Variants in FREM1 observed in about 807,000 individuals in gnomAD.
FREM1 encodes FRAS1 related extracellular matrix 1, also known as FRAS1-related extracellular matrix protein 1.
Under a neutral mutation model 210.1 loss-of-function variants are expected in FREM1, and 220 were observed. That is an observed-to-expected ratio of 1.05 (90% CI 0.94 to 1.17). The LOEUF (loss-of-function observed/expected upper bound fraction) is 1.17. Among genes scored for constraint, FREM1 ranks in the 50% most tolerant of loss-of-function variants. The probability of loss-of-function intolerance (pLI) is 0.00; values close to 1 mark genes in which losing one functional copy is unlikely to be tolerated. For missense variants in FREM1, 3,454 were observed against 2,675.5 expected, an observed-to-expected ratio of 1.29 and a Z score of -6.42; for synonymous variants, 1,189 against 980.2, an observed-to-expected ratio of 1.21 and a Z score of -3.98.
chr9:14,908,870 C>T (rs1818251507), intron 1 of FREM1, among the ~76,000 whole-genome samples: 1 of 152,180 alleles, frequency 6.6e-6, no homozygotes. Flanking sequence ...GGGGTTCTTA[C>T]ACACAGTCAG....
intron 22 of FREM1, chr9:14,790,490 G>C (rs1494347): frequency 0.98 from 148,583 of 152,270 alleles, 72,601 homozygotes; most frequent in Middle Eastern, 1. Context: ...GCCTGCAATT[G>C]TATTTCACAT....
rs555370917 is a variant in FREM1, at chr9:14,775,205, C to T, written c.4857+584G>A. On this transcript the variant is annotated intron_variant, in intron 25 of 36. Coordinates refer to ENST00000380880, the MANE Select transcript of FREM1 (RefSeq NM_001379081.2). The stretch of plus-strand genomic sequence containing the variant: ...AGTTAAAGAACTCTTTAAGGTCAGA[C>T]GGCTAATACATTGCAAAGCAGAAAT... Among the ~76,000 whole-genome samples, 89 of 152,246 alleles carry T rather than the reference C, an allele frequency of 5.8e-4. 1 individual carries two copies. In the South Asian group the frequency reaches 8.9e-3, roughly 15 times the overall value.
At chr9:14,842,215 A>G in intron 9 of FREM1, 101 bp downstream of exon 9, 1 of 726,264 alleles carries the variant, frequency 1.4e-6, no homozygotes, top group East Asian at 2.5e-5. Flanking sequence ...TCACCTTAGG[A>G]CAAACTCGGA....
Position 14,885,084 on chromosome 9 carries a change from C to T in FREM1, c.-267-15840G>A, listed in dbSNP as rs575713261. Reference sequence around the variant, plus strand: ...GGACTACAGCTGCCCGCCACCGCGCCCGGCTAATTTTTTGTATTTTTACTA... The same window carrying T: ...GGACTACAGCTGCCCGCCACCGCGCTCGGCTAATTTTTTGTATTTTTACTA... On this transcript the variant is annotated intron_variant, in intron 1 of 36. Coordinates refer to ENST00000380880, the MANE Select transcript of FREM1 (RefSeq NM_001379081.2). Among the ~76,000 whole-genome samples, 141 of 148,446 alleles carry T rather than the reference C, an allele frequency of 9.5e-4. 19 individuals are homozygous for T. Among genetic ancestry groups the T allele is most frequent in the African/African-American group, 3.5e-3 (138 of 39,190 alleles).
chr9:14,896,242 T>C (rs1481935692), intron 1 of FREM1, among the ~76,000 whole-genome samples: 2 of 152,072 alleles, frequency 1.3e-5, no homozygotes, highest in Admixed American at 1.3e-4. Context: ...TTACCCTATA[T>C]GGTCTAAAAA....
chr9:14,741,566 A>T (rs1494344), intron 35 of FREM1, among the ~76,000 whole-genome samples: 106,003 of 151,986 alleles, frequency 0.7, 37,111 homozygotes, highest in Middle Eastern at 0.79. Context: ...CCCCTCCCCA[A>T]CACATCCAAC....
At chr9:14,860,730 CAT>C (rs1192632335) in intron 3 of FREM1, among the ~76,000 whole-genome samples, 2 of 122,092 alleles carry the variant, frequency 1.6e-5, no homozygotes, top group Non-Finnish European at 3.4e-5. Flanking sequence ...CATATATACA[CAT>C]ATATACACAT....
chr9:14,881,370 G>A (rs1438997911), intron 1 of FREM1, among the ~76,000 whole-genome samples: 1 of 151,962 alleles, frequency 6.6e-6, no homozygotes, highest in African/African-American at 2.4e-5. Context: ...AGCCAATCTG[G>A]GTATAAATAG....
chr9:14,900,244 T>C (rs1838531677), intron 1 of FREM1, among the ~76,000 whole-genome samples: 1 of 152,232 alleles, frequency 6.6e-6, no homozygotes, highest in Admixed American at 6.5e-5. Context: ...GAGTTTCTGA[T>C]TTAATTTGTC....
chr9:14,833,040 C>T (rs1823865376), intron 10 of FREM1, among the ~76,000 whole-genome samples: 1 of 152,124 alleles, frequency 6.6e-6, no homozygotes, highest in African/African-American at 2.4e-5. Context: ...AATCGGTAAC[C>T]ATGTGGCAAT....
Position 14,746,921 on chromosome 9 carries a change from A to T in FREM1, c.6138+2T>A. 6.2e-7 allele frequency: 1 copy of T among 1,612,434 alleles called. No individual in the cohort carries two copies. The highest frequency in any genetic ancestry group is 8.5e-7 in the Non-Finnish European group (1 of 1,179,546). On this transcript the variant is annotated splice_donor_variant, in intron 34 of 36. Transcript: ENST00000380880. LOFTEE classifies it high-confidence loss of function. The stretch of plus-strand genomic sequence containing the variant: ...TGCTTGGCTGCTCAGCCTGCCTCCT[A>T]CCTTGGTTTGGGGACTCCAGGCTTT...
intron 24 of FREM1, among the ~76,000 whole-genome samples, chr9:14,782,078 T>C (rs1222792896): frequency 6.6e-6 from 1 of 152,196 alleles, no homozygotes; most frequent in African/African-American, 2.4e-5. Flanking sequence ...TGATGGCTAG[T>C]CCTGACTGCA....
chr9:14,780,248 G>A (rs537130943), intron 24 of FREM1, among the ~76,000 whole-genome samples: 12 of 151,928 alleles, frequency 7.9e-5, no homozygotes, highest in African/African-American at 2.7e-4. Context: ...GATGACCACC[G>A]CTCTCATGAA....
chr9:14,840,186 G>A (rs1040943869), intron 10 of FREM1, among the ~76,000 whole-genome samples: 1 of 152,184 alleles, frequency 6.6e-6, no homozygotes, highest in African/African-American at 2.4e-5. Flanking sequence ...ATTATGGGAA[G>A]GCATTATGTG....
At chr9:14,748,197 A>G (rs1452181088) in intron 31 of FREM1, among the ~76,000 whole-genome samples, 1 of 152,162 alleles carries the variant, frequency 6.6e-6, no homozygotes. Context: ...CAGCATATCT[A>G]TCACCTCAGT....
chr9:14,888,486 T>G (rs1836205737), intron 1 of FREM1, among the ~76,000 whole-genome samples: 1 of 152,204 alleles, frequency 6.6e-6, no homozygotes, highest in African/African-American at 2.4e-5. Flanking sequence ...AGTTAATGTT[T>G]CACTAGAAAC....
Position 14,816,880 on chromosome 9 carries a change from A to T in FREM1, c.2547-9T>A. On this transcript the variant is annotated splice_polypyrimidine_tract_variant and intron_variant, in intron 14 of 36. Coordinates refer to ENST00000380880, the MANE Select transcript of FREM1 (RefSeq NM_001379081.2). ...TTCCATCATGTTGATACCTGTGGGG[A>T]TAATATTTGTCACCAACCTCTTAGG... 1 of 1,184,448 alleles carries T rather than the reference A, an allele frequency of 8.4e-7. No homozygotes were observed. The highest frequency in any genetic ancestry group is 1.5e-5 in the African/African-American group (1 of 66,744). 73.4% of individuals were successfully genotyped at this position (1,184,448 alleles called of 1,614,324 possible). A position where few individuals can be genotyped will look rare whatever the true frequency, so the allele number is the denominator to read the frequency against.
At chr9:14,865,123 A>G (rs747631695) in intron 2 of FREM1, among the ~76,000 whole-genome samples, 2 of 152,192 alleles carry the variant, frequency 1.3e-5, no homozygotes, top group East Asian at 1.9e-4. Context: ...CTGCTTTTCA[A>G]TTACAATTTA....
intron 10 of FREM1, among the ~76,000 whole-genome samples, chr9:14,838,590 C>T (rs1370328456): frequency 6.6e-6 from 1 of 152,110 alleles, no homozygotes. Flanking sequence ...ATTACCGCCC[C>T]ATCTCACTCC....
Sources: gnomAD v4.1 joint callset for allele counts (sites outside exome capture counted in the v4.1 genomes callset) on GRCh38, gnomAD v4.1.1 for gene constraint, MANE v1.5 for transcripts, NCBI Gene and HGNC (gene_info 2026-07-23, HGNC 2026-07-21) for gene names.